The following ERBB4 variants were observed in gnomAD, a reference collection of about 807,000 sequenced individuals.
ERBB4 encodes erb-b2 receptor tyrosine kinase 4.
In ERBB4, 42 loss-of-function variants were observed where a neutral mutation model predicts 158.0. The ratio of observed to expected loss-of-function variants is 0.27; its 90% CI spans 0.21 to 0.34. The LOEUF (loss-of-function observed/expected upper bound fraction) is 0.34. ERBB4 is among the 10% of genes least tolerant of loss of function. ERBB4 has a pLI of 1.00. For synonymous variants in ERBB4, 583 were observed against 558.7 expected (o/e 1.04, Z -0.61); for missense variants, 1,333 against 1,624.1 (o/e 0.82, Z 3.08).
intron 20 of ERBB4, among the ~76,000 whole-genome samples, chr2:211,488,650 A>G (rs573668677): frequency 2.0e-5 from 3 of 152,248 alleles, no homozygotes; most frequent in African/African-American, 7.2e-5. Context: ...TTTAAAAGAT[A>G]CACTGAATTT....
At chr2:211,800,233 A>C (rs143016187) in intron 3 of ERBB4, among the ~76,000 whole-genome samples, 57 of 152,240 alleles carry the variant, frequency 3.7e-4, no homozygotes, top group African/African-American at 1.2e-3. Context: ...ACTCTTCATA[A>C]ATGCTGCCAT....
At chr2:212,112,125 A>G (rs116127738) in intron 2 of ERBB4, among the ~76,000 whole-genome samples, 1 of 152,064 alleles carries the variant, frequency 6.6e-6, no homozygotes, top group South Asian at 2.1e-4. Context: ...CCTGGGCTCA[A>G]ATGATCCTCC....
intron 1 of ERBB4, among the ~76,000 whole-genome samples, chr2:212,524,123 A>G (rs115531095): frequency 3.9e-5 from 6 of 152,112 alleles, no homozygotes; most frequent in Non-Finnish European, 7.4e-5. Flanking sequence ...TCATTCTTCA[A>G]ATTAAATAGT....
At chr2:212,399,401 A>T (rs184833113) in intron 1 of ERBB4, among the ~76,000 whole-genome samples, 4 of 151,808 alleles carry the variant, frequency 2.6e-5, no homozygotes, top group Non-Finnish European at 4.4e-5. Context: ...AAAAGTATTA[A>T]GGGGTTATTT....
chr2:212,510,523 G>T (rs1560516672), intron 1 of ERBB4, among the ~76,000 whole-genome samples: 1 of 151,694 alleles, frequency 6.6e-6, no homozygotes, highest in Non-Finnish European at 1.5e-5. Flanking sequence ...TGATTTTACT[G>T]GGCATTTAAA....
intron 3 of ERBB4, among the ~76,000 whole-genome samples, chr2:211,946,255 T>C (rs1178869211): frequency 6.6e-6 from 1 of 152,012 alleles, no homozygotes; most frequent in Non-Finnish European, 1.5e-5. Flanking sequence ...AATATCCCAA[T>C]TTTATTTCAT....
chr2:212,257,896 C>T (rs577533559), intron 1 of ERBB4, among the ~76,000 whole-genome samples: 14 of 152,178 alleles, frequency 9.2e-5, no homozygotes, highest in African/African-American at 3.1e-4. Flanking sequence ...CTGTGATTGT[C>T]AGTCAATAAA....
chr2:211,783,512 A>C (rs926012149), intron 4 of ERBB4, among the ~76,000 whole-genome samples: 5 of 152,074 alleles, frequency 3.3e-5, no homozygotes, highest in Admixed American at 3.3e-4. Flanking sequence ...GTTTGTCATA[A>C]ATAGCTCTTA....
At chr2:211,670,759 A>G (rs2071807774) in intron 14 of ERBB4, among the ~76,000 whole-genome samples, 1 of 152,228 alleles carries the variant, frequency 6.6e-6, no homozygotes, top group Non-Finnish European at 1.5e-5. Flanking sequence ...GCAAATACCT[A>G]GCACAGAACT....
intron 1 of ERBB4, among the ~76,000 whole-genome samples, chr2:212,488,558 G>T (rs1307925933): frequency 6.6e-6 from 1 of 151,954 alleles, no homozygotes; most frequent in Non-Finnish European, 1.5e-5. Context: ...CTAGCAAATT[G>T]CAGTCAAGAT....
chr2:211,684,237 A>G (rs2072472301), intron 12 of ERBB4, among the ~76,000 whole-genome samples: 1 of 152,142 alleles, frequency 6.6e-6, no homozygotes, highest in African/African-American at 2.4e-5. Context: ...GGATCATCTG[A>G]AGTCAGGAGT....
intron 2 of ERBB4, among the ~76,000 whole-genome samples, chr2:211,958,308 G>A (rs1260971357): frequency 1.3e-5 from 2 of 151,976 alleles, no homozygotes; most frequent in African/African-American, 2.4e-5. Context: ...ATACAATCAG[G>A]ACTACAAATA....
chr2:212,353,168 G>A (rs1291350453), intron 1 of ERBB4, among the ~76,000 whole-genome samples: 1 of 151,574 alleles, frequency 6.6e-6, no homozygotes, highest in Non-Finnish European at 1.5e-5. Flanking sequence ...GAATTCTCTG[G>A]CAATAAATGC....
intron 3 of ERBB4, among the ~76,000 whole-genome samples, chr2:211,915,860 TA>T (rs1454536764): frequency 1.3e-5 from 2 of 151,958 alleles, no homozygotes; most frequent in Admixed American, 6.6e-5. Context: ...ATATCCCTGT[TA>T]TTTTTTTGAA....
chr2:212,256,383 A>G (rs1413574601), intron 1 of ERBB4, among the ~76,000 whole-genome samples: 1 of 152,150 alleles, frequency 6.6e-6, no homozygotes, highest in Non-Finnish European at 1.5e-5. Flanking sequence ...TTAAGGAATC[A>G]TATCAGTTGC....
chr2:211,584,526 G>A (rs569337843), intron 19 of ERBB4, among the ~76,000 whole-genome samples: 1 of 152,072 alleles, frequency 6.6e-6, no homozygotes, highest in East Asian at 1.9e-4. Flanking sequence ...TTCTTGATCC[G>A]TGAAAAGAGT....
chr2:211,376,810 A>G lies in ERBB4; in HGVS notation c.*6805T>C. On this transcript the variant is annotated 3_prime_UTR_variant, in exon 28 of 28. Coordinates refer to ENST00000342788, the MANE Select transcript of ERBB4 (RefSeq NM_005235.3). ...GTAATGGTGCTCAAGAAAGAGATGAACTAGTCATACACCATGGGAAAATGC... is the reference window on the plus strand; with the variant it reads ...GTAATGGTGCTCAAGAAAGAGATGAGCTAGTCATACACCATGGGAAAATGC... 1 of 233,116 alleles carries G rather than the reference A, an allele frequency of 4.3e-6. No individual in the cohort carries two copies. Among genetic ancestry groups the G allele is most frequent in the Non-Finnish European group, 8.5e-6 (1 of 117,674 alleles). The allele number at this position is 233,116 out of a possible 1,614,324, so 14.4% of individuals were successfully genotyped here. A position where few individuals can be genotyped will look rare whatever the true frequency, so the allele number is the denominator to read the frequency against.
chr2:211,573,962 C>G (rs1369850051), intron 19 of ERBB4, among the ~76,000 whole-genome samples: 1 of 152,138 alleles, frequency 6.6e-6, no homozygotes. Context: ...GATGCAGATA[C>G]TTTTAATTCA....
intron 1 of ERBB4, among the ~76,000 whole-genome samples, chr2:212,283,570 C>A (rs912061695): frequency 6.6e-6 from 1 of 151,716 alleles, no homozygotes; most frequent in African/African-American, 2.4e-5. Flanking sequence ...ATTTTAAACC[C>A]TAAAATATTC....
Sources: allele counts gnomAD v4.1 joint callset (sites outside exome capture counted in the v4.1 genomes callset), GRCh38; gene constraint gnomAD v4.1.1; transcripts MANE v1.5; gene names NCBI Gene and HGNC (gene_info 2026-07-23, HGNC 2026-07-21).